The following ANK1 variants were observed in gnomAD, a reference collection of about 807,000 sequenced individuals.
ANK1 encodes ankyrin-1.
In ANK1, 51 loss-of-function variants were observed where a neutral mutation model predicts 210.4. The ratio of observed to expected loss-of-function variants is 0.24; its 90% CI spans 0.19 to 0.31. The LOEUF (loss-of-function observed/expected upper bound fraction) is 0.31. Ranked by LOEUF, ANK1 falls within the 10% of genes least tolerant of loss-of-function variation. ANK1 has a pLI of 1.00. For missense variants in ANK1, 2,051 were observed against 2,504.4 expected, an observed-to-expected ratio of 0.82 and a Z score of 3.86; for synonymous variants, 967 against 1,025.9, an observed-to-expected ratio of 0.94 and a Z score of 1.10.
At chr8:41,761,043 A>T (rs1319016134) in intron 1 of ANK1, among the ~76,000 whole-genome samples, 4 of 152,158 alleles carry the variant, frequency 2.6e-5, no homozygotes, top group Non-Finnish European at 5.9e-5. Context: ...TTGAGACGAG[A>T]TCATCCTAGA....
chr8:41,697,869 G>A (rs906999342), intron 24 of ANK1, 174 bp downstream of exon 24: 48 of 712,642 alleles, frequency 6.7e-5, no homozygotes, highest in Middle Eastern at 5.4e-4. Flanking sequence ...CCCACCCAGC[G>A]CCACCAATGT....
chr8:41,701,973 A>T, intron 21 of ANK1, 79 bp downstream of exon 21: 1 of 1,461,998 alleles, frequency 6.8e-7, no homozygotes, highest in Non-Finnish European at 9.6e-7. Context: ...AACGCACCCC[A>T]CTTCCAGAGT....
chr8:41,734,780 A>G (rs1018459822), intron 2 of ANK1, among the ~76,000 whole-genome samples: 2 of 151,946 alleles, frequency 1.3e-5, no homozygotes, highest in African/African-American at 2.4e-5. Context: ...GTGTGTGCCT[A>G]TAGTCCCAGC....
chr8:41,784,073 A>AT (rs1473607568), intron 1 of ANK1, among the ~76,000 whole-genome samples: 1 of 141,780 alleles, frequency 7.1e-6, no homozygotes, highest in African/African-American at 2.5e-5. Flanking sequence ...AAAAAAAAAA[A>AT]GCTGTGAGCA....
chr8:41,826,244 G>C (rs1805348354), intron 1 of ANK1, among the ~76,000 whole-genome samples: 1 of 152,088 alleles, frequency 6.6e-6, no homozygotes, highest in African/African-American at 2.4e-5. Context: ...AGGCTACTCT[G>C]GCCCATTGCT....
chr8:41,755,885 C>T (rs56707335), intron 2 of ANK1, among the ~76,000 whole-genome samples: 5,681 of 152,180 alleles, frequency 0.037, 351 homozygotes, highest in African/African-American at 0.13. Flanking sequence ...AGAAAAGGGG[C>T]GGGGGGCCTG....
At chr8:41,665,076 G>C (rs1260353331) in intron 39 of ANK1, 25 of 1,596,164 alleles carry the variant, frequency 1.6e-5, no homozygotes, top group Non-Finnish European at 2.0e-5. Context: ...CGGCCACCAC[G>C]GGGGGCCTGC....
chr8:41,889,002 C>T (rs908496806), intron 1 of ANK1, among the ~76,000 whole-genome samples: 2 of 152,184 alleles, frequency 1.3e-5, no homozygotes, highest in Non-Finnish European at 2.9e-5. Flanking sequence ...GGAAAACTAT[C>T]TTCAGTTTTT....
chr8:41,664,042 AG>A (rs1426699181), intron 39 of ANK1: 1 of 546,396 alleles, frequency 1.8e-6, no homozygotes, highest in Non-Finnish European at 3.5e-6. Flanking sequence ...CTGACGGAGG[AG>A]GCCCTGAGAG....
Position 41,694,813 on chromosome 8 carries a change from C to T in ANK1, c.3116-10G>A, listed in dbSNP as rs1365665668. On this transcript the variant is annotated splice_polypyrimidine_tract_variant and intron_variant, in intron 27 of 42. Transcript: ENST00000289734. The surrounding 1 kb of genome is among the most constrained non-coding windows in gnomAD (Gnocchi z 5.7). ...TCCAGGCTCCCCAGCTCTGGAATCA[C>T]ACACACAGGCCACCACCCCGGTCAC... is the stretch of plus-strand genomic sequence containing the variant. 1.9e-6 allele frequency: 3 copies of T among 1,613,720 alleles called. No homozygotes were observed. Among genetic ancestry groups the T allele is most frequent in the Non-Finnish European group, 2.5e-6 (3 of 1,179,832 alleles).
intron 1 of ANK1, among the ~76,000 whole-genome samples, chr8:41,827,983 G>GAC (rs1167618458): frequency 1.5e-5 from 1 of 66,460 alleles, no homozygotes; most frequent in African/African-American, 5.9e-5. Flanking sequence ...CCCAACCCCC[G>GAC]ACACACACAC....
In ANK1 at chr8:41,704,476, A is replaced by G. The variant is rs766671203; in HGVS notation, c.2098-4T>C. On this transcript the variant is annotated splice_region_variant and splice_polypyrimidine_tract_variant and intron_variant, in intron 18 of 42. Coordinates refer to ENST00000289734, the MANE Select transcript of ANK1 (RefSeq NM_000037.4). This position sits in a 1 kb window ranked among gnomAD's most constrained non-coding sequence, Gnocchi z 4.1. The stretch of plus-strand genomic sequence containing the variant: ...CATGGAGGGGAGTGTAGCCCATCTG[A>G]AAAGCAGATGAGAAGGAGTGACCGG... The G allele has an allele frequency of 1.9e-6, 3 of 1,612,104 alleles. No homozygotes were observed. Among genetic ancestry groups the G allele is most frequent in the Non-Finnish European group, 2.5e-6 (3 of 1,178,132 alleles).
Position 41,698,573 on chromosome 8 carries a change from T to G in ANK1, c.2559-452A>C, listed in dbSNP as rs1015768771. ...TCAGAAAACACCTAGGGCTCAGTGT[T>G]TCTACAAAGTCGTTGATATTAGATT... is the stretch of plus-strand genomic sequence containing the variant. On this transcript the variant is annotated intron_variant, in intron 23 of 42. Coordinates refer to ENST00000289734, the MANE Select transcript of ANK1 (RefSeq NM_000037.4). Among the ~76,000 whole-genome samples, 5 of 152,180 alleles carry G rather than the reference T, an allele frequency of 3.3e-5. 1 individual carries two copies. In the East Asian group the frequency reaches 9.6e-4, roughly 29 times the overall value.
intron 37 of ANK1, among the ~76,000 whole-genome samples, chr8:41,673,580 G>A (rs935892218): frequency 6.6e-6 from 1 of 152,160 alleles, no homozygotes; most frequent in Non-Finnish European, 1.5e-5. Flanking sequence ...ACAGGGGAGG[G>A]CTCTTAGGGC....
chr8:41,748,620 T>C (rs1836777054), intron 2 of ANK1, among the ~76,000 whole-genome samples: 2 of 152,210 alleles, frequency 1.3e-5, no homozygotes, highest in African/African-American at 4.8e-5. Flanking sequence ...TTCACAACCT[T>C]TCTCTGACTC....
At chr8:41,803,997 T>C (rs1436373828) in intron 1 of ANK1, among the ~76,000 whole-genome samples, 1 of 152,224 alleles carries the variant, frequency 6.6e-6, no homozygotes, top group Non-Finnish European at 1.5e-5. Context: ...TACTGCTGCA[T>C]AACAAAGTAG....
At chr8:41,843,338 A>G (rs1809368542) in intron 1 of ANK1, among the ~76,000 whole-genome samples, 1 of 152,156 alleles carries the variant, frequency 6.6e-6, no homozygotes, top group South Asian at 2.1e-4. Flanking sequence ...GCGATCAGAC[A>G]TTGAATCTGC....
At chr8:41,855,682 G>C (rs1230454899) in intron 1 of ANK1, among the ~76,000 whole-genome samples, 1 of 152,190 alleles carries the variant, frequency 6.6e-6, no homozygotes, top group Non-Finnish European at 1.5e-5. Flanking sequence ...GAGAAGATTT[G>C]GATGATCTGA....
chr8:41,693,023 G>C, intron 30 of ANK1, 82 bp downstream of exon 30: 1 of 1,520,284 alleles, frequency 6.6e-7, no homozygotes. Flanking sequence ...GACAGTGAGG[G>C]AGCCTCAGCC....
Sources: allele counts gnomAD v4.1 joint callset (sites outside exome capture counted in the v4.1 genomes callset), GRCh38; gene constraint gnomAD v4.1.1; non-coding constraint Gnocchi (gnomAD v3.1); transcripts MANE v1.5; gene names NCBI Gene and HGNC (gene_info 2026-07-23, HGNC 2026-07-21).